DLL3: variants seen among roughly 807,000 people sequenced by gnomAD.
DLL3 encodes delta like canonical Notch ligand 3, also known as delta-like protein 3.
A neutral mutation model predicts 55.0 loss-of-function variants in DLL3; 49 were observed. That is an observed-to-expected ratio of 0.89 (90% CI 0.71 to 1.13). DLL3 has a LOEUF of 1.13. Ranked by LOEUF, DLL3 falls within the 50% of genes most tolerant of loss-of-function variation. DLL3 has a pLI of 0.00. For missense variants in DLL3, 962 were observed against 875.5 expected, an observed-to-expected ratio of 1.10 and a Z score of -1.25; for synonymous variants, 421 against 385.2, an observed-to-expected ratio of 1.09 and a Z score of -1.09.
At chr19:39,503,240 A>T (rs544098115) in intron 4 of DLL3, among the ~76,000 whole-genome samples, 183 bp downstream of exon 4, 1 of 152,208 alleles carries the variant, frequency 6.6e-6, no homozygotes, top group South Asian at 2.1e-4. Flanking sequence ...ACTGCTGCGG[A>T]TGTATCCCAA....
intron 6 of DLL3, among the ~76,000 whole-genome samples, chr19:39,505,818 C>A (rs2079637269): frequency 1.3e-5 from 2 of 152,040 alleles, no homozygotes; most frequent in Non-Finnish European, 2.9e-5. Context: ...TCTTGTGGGA[C>A]CCCCTGGGTC....
chr19:39,499,768 C>T (rs898795728), intron 2 of DLL3, among the ~76,000 whole-genome samples: 1 of 152,154 alleles, frequency 6.6e-6, no homozygotes, highest in Non-Finnish European at 1.5e-5. Context: ...ACCTCTGCTC[C>T]TTGGGGATCC....
chr19:39,504,291 C>T lies in DLL3; in HGVS notation c.870+3C>T, dbSNP rs377288340. 1.9e-6 allele frequency: 3 copies of T among 1,611,982 alleles called. No homozygotes were observed. Among genetic ancestry groups the T allele is most frequent in the Non-Finnish European group, 1.7e-6 (2 of 1,179,998 alleles). ...GTGCCAATGGAGGCAGCTGTAGTGT[C>T]AGTGTCACCCTTCCCACCTTGTCCT... On this transcript the variant is annotated splice_donor_region_variant and intron_variant, in intron 5 of 8. Transcript: ENST00000356433.
At chr19:39,505,783 A>G (rs2079637060) in intron 6 of DLL3, 4 of 314,444 alleles carry the variant, frequency 1.3e-5, no homozygotes, top group Non-Finnish European at 1.8e-5. Context: ...TACTGAGATG[A>G]GGTCAGGGAG....
At chr19:39,499,515 A>G in intron 2 of DLL3, 42 bp downstream of exon 2, 1 of 1,561,192 alleles carries the variant, frequency 6.4e-7, no homozygotes, top group African/African-American at 1.3e-5. Flanking sequence ...TGGAGGCCTA[A>G]CCCTGCCAGC....
At chr19:39,508,120 T>G in intron 8 of DLL3, 132 bp from the exon 9 acceptor site, 1 of 1,612,788 alleles carries the variant, frequency 6.2e-7, no homozygotes, top group Non-Finnish European at 8.5e-7. Context: ...ATCTTCTCTT[T>G]GAAAAACCTA....
rs770611082 is a variant in DLL3 at position 39,507,935 on chromosome 19, C to G, written c.1758+21C>G. 8 of 1,614,186 alleles carry G rather than the reference C, an allele frequency of 5.0e-6. No homozygotes were observed. In the African/African-American group the frequency reaches 8.0e-5, roughly 16 times the overall value. ...GGGAGGTAGCGACGCCCCTTTTCCC[C>G]CCGCTACACACTGGGCGCGCTGGGC... On this transcript the variant is annotated intron_variant, in intron 8 of 8. Transcript: ENST00000356433.
Position 39,504,306 on chromosome 19 carries a change from C to T in DLL3, c.870+18C>T. On this transcript the variant is annotated intron_variant, in intron 5 of 8. Transcript: ENST00000356433. ...GCTGTAGTGTCAGTGTCACCCTTCC[C>T]ACCTTGTCCTGCTTAGTACTTTACC... is the stretch of plus-strand genomic sequence containing the variant. 1 of 1,610,564 alleles carries T rather than the reference C, an allele frequency of 6.2e-7. No homozygotes were observed. The highest frequency in any genetic ancestry group is 1.3e-5 in the African/African-American group (1 of 75,068).
At chr19:39,501,008 T>C (rs1402368358) in intron 3 of DLL3, among the ~76,000 whole-genome samples, 1 of 151,752 alleles carries the variant, frequency 6.6e-6, no homozygotes, top group African/African-American at 2.4e-5. Flanking sequence ...AGTTTTTTTT[T>C]TTTCTTTCCA....
intron 4 of DLL3, 127 bp downstream of exon 4, chr19:39,503,184 C>T (rs1041201325): frequency 1.4e-5 from 14 of 1,012,176 alleles, no homozygotes; most frequent in Non-Finnish European, 1.9e-5. Context: ...GAGTCCCCCA[C>T]CATGTACCCC....
chr19:39,499,270 T>C lies in DLL3; in HGVS notation c.148T>C (p.Cys50Arg). ...AGGCCCTGGGGCCCCGCGGTCCCCCTGCAGCGCCCGGCTCCCCTGCCGCCT... is the reference window on the plus strand; with the variant it reads ...AGGCCCTGGGGCCCCGCGGTCCCCCCGCAGCGCCCGGCTCCCCTGCCGCCT... ...GPGPGAPRSP[C>R]SARLPCRLFF... is the part of the protein sequence containing the mutation. The change falls in exon 2 of 9, where the codon TGC (cysteine) becomes CGC (arginine). Residue 50 changes from cysteine to arginine, a missense_variant. Coordinates refer to ENST00000356433, the MANE Select transcript of DLL3 (RefSeq NM_203486.3). 1 of 1,542,316 alleles carries C rather than the reference T, an allele frequency of 6.5e-7. No homozygotes were observed.
Position 39,507,832 on chromosome 19 carries a change from C to T in DLL3, c.1676C>T (p.Ser559Leu), listed in dbSNP as rs771849483. The T allele has an allele frequency of 3.0e-5, 49 of 1,614,018 alleles. No individual in the cohort carries two copies. Among genetic ancestry groups the T allele is most frequent in the Non-Finnish European group, 4.0e-5 (47 of 1,180,024 alleles). ...TQEGSGDGPS[S>L]SVDWNRPEDV... ...TTCTTCTTTCTCTCCTCCCACAGCTCGTCCGTAGATTGGAATCGCCCTGAA... is the reference window on the plus strand; with the variant it reads ...TTCTTCTTTCTCTCCTCCCACAGCTTGTCCGTAGATTGGAATCGCCCTGAA... Residue 559 changes from serine (S) to leucine (L), a missense_variant and splice_region_variant, in exon 8 of 9, where the codon TCG becomes TTG. Coordinates refer to ENST00000356433, the MANE Select transcript of DLL3 (RefSeq NM_203486.3).
chr19:39,499,377 G>T lies in DLL3; in HGVS notation c.255G>T (p.Ala85=). 3 of 1,566,950 alleles carry T rather than the reference G, an allele frequency of 1.9e-6. No homozygotes were observed. The Middle Eastern group carries it at 5.1e-4, about 264-fold the overall frequency. ...GCGCCCTGGGCGCGGCGCTGAGTGC[G>T]CGCGGACCGGTCTACACCGAGCAGC... ...SPCALGAALS[A]RGPVYTEQPG... Residue 85 remains alanine (A), a synonymous_variant, in exon 2 of 9, where the codon GCG becomes GCT. Transcript: ENST00000356433.
Position 39,508,258 on chromosome 19 carries a change from C to T in DLL3, c.*1C>T. 6.2e-7 allele frequency: 1 copy of T among 1,613,908 alleles called. No individual in the cohort carries two copies. The highest frequency in any genetic ancestry group is 8.5e-7 in the Non-Finnish European group (1 of 1,180,022). On this transcript the variant is annotated 3_prime_UTR_variant, in exon 9 of 9. Coordinates refer to ENST00000356433, the MANE Select transcript of DLL3 (RefSeq NM_203486.3). ...CTACTCATTTTGTTTCTAGGCCTGACGCGTCTCCTCCATCCGCACCTGGAG... is the reference window on the plus strand; with the variant it reads ...CTACTCATTTTGTTTCTAGGCCTGATGCGTCTCCTCCATCCGCACCTGGAG...
At chr19:39,501,650 T>TG (rs1379849956) in intron 3 of DLL3, among the ~76,000 whole-genome samples, 2 of 152,106 alleles carry the variant, frequency 1.3e-5, no homozygotes, top group Non-Finnish European at 2.9e-5. Flanking sequence ...GTCACAATCT[T>TG]GGGGGGTGAC....
intron 2 of DLL3, among the ~76,000 whole-genome samples, chr19:39,500,276 A>C (rs930031356): frequency 2.0e-5 from 3 of 151,726 alleles, no homozygotes; most frequent in Non-Finnish European, 4.4e-5. Flanking sequence ...AAAAAAAAAA[A>C]AACATAGCAG....
chr19:39,508,247 T>C lies in DLL3; in HGVS notation c.1759-5T>C. 1.2e-6 allele frequency: 2 copies of C among 1,613,934 alleles called. No individual in the cohort carries two copies. Among genetic ancestry groups the C allele is most frequent in the Non-Finnish European group, 1.7e-6 (2 of 1,180,002 alleles). ...TCTAATGCTTCCTACTCATTTTGTT[T>C]CTAGGCCTGACGCGTCTCCTCCATC... On this transcript the variant is annotated splice_polypyrimidine_tract_variant and splice_region_variant and intron_variant, in intron 8 of 8. Coordinates refer to ENST00000356433, the MANE Select transcript of DLL3 (RefSeq NM_203486.3).
At chr19:39,499,624 C>A in intron 2 of DLL3, 151 bp downstream of exon 2, 1 of 1,005,068 alleles carries the variant, frequency 9.9e-7, no homozygotes, top group Non-Finnish European at 1.5e-6. Flanking sequence ...CCGTCTGGAA[C>A]CCCACATTCA....
chr19:39,507,011 G>A (rs1294928247), intron 6 of DLL3, 28 bp from the exon 7 acceptor site: 2 of 1,531,266 alleles, frequency 1.3e-6, no homozygotes, highest in East Asian at 2.5e-5. Flanking sequence ...CTCCCGGACT[G>A]CGCCCTCTGA....
Sources: gnomAD v4.1 joint callset for allele counts (sites outside exome capture counted in the v4.1 genomes callset) on GRCh38, gnomAD v4.1.1 for gene constraint, MANE v1.5 for transcripts, NCBI Gene and HGNC (gene_info 2026-07-23, HGNC 2026-07-21) for gene names.